PDGFC: variants seen among roughly 807,000 people sequenced by gnomAD.
PDGFC encodes the protein platelet-derived growth factor C.
A neutral mutation model predicts 35.5 loss-of-function variants in PDGFC; 12 were observed. The ratio of observed to expected loss-of-function variants is 0.34; its 90% CI spans 0.22 to 0.55. The LOEUF is 0.55. Among genes scored for constraint, PDGFC ranks in the 20% least tolerant of loss-of-function variants. The probability of loss-of-function intolerance (pLI) is 0.91; values close to 1 mark genes in which losing one functional copy is unlikely to be tolerated. For missense variants in PDGFC, 322 were observed against 412.4 expected (o/e 0.78, Z 1.90); for synonymous variants, 159 against 148.8 (o/e 1.07, Z -0.50).
At chr4:156,835,356 T>A (rs1256460841) in intron 2 of PDGFC, among the ~76,000 whole-genome samples, 1 of 152,214 alleles carries the variant, frequency 6.6e-6, no homozygotes, top group East Asian at 1.9e-4. Context: ...TCAGCCAAGC[T>A]GAAAATGAAT....
chr4:156,849,424 A>C (rs1319613843), intron 2 of PDGFC, among the ~76,000 whole-genome samples: 2 of 152,144 alleles, frequency 1.3e-5, no homozygotes, highest in Non-Finnish European at 2.9e-5. Flanking sequence ...ATTCTCTTTT[A>C]ACTTGTATAT....
At chr4:156,913,816 C>T (rs140798647) in intron 1 of PDGFC, among the ~76,000 whole-genome samples, 54 of 152,268 alleles carry the variant, frequency 3.5e-4, no homozygotes, top group African/African-American at 1.1e-3. Context: ...CCCCAGGCCC[C>T]GTTGGTGAGT....
At chr4:156,811,527 T>A (rs1388963163) in intron 2 of PDGFC, among the ~76,000 whole-genome samples, 1 of 152,096 alleles carries the variant, frequency 6.6e-6, no homozygotes, top group Non-Finnish European at 1.5e-5. Context: ...TCTTCCTTTC[T>A]GTGACCTTCC....
At chr4:156,941,837 G>T (rs80231255) in intron 1 of PDGFC, among the ~76,000 whole-genome samples, 1 of 151,944 alleles carries the variant, frequency 6.6e-6, no homozygotes, top group Non-Finnish European at 1.5e-5. Flanking sequence ...AAATAATAAG[G>T]TGATATGGTC....
chr4:156,921,372 G>C (rs989712869), intron 1 of PDGFC, among the ~76,000 whole-genome samples: 2 of 152,088 alleles, frequency 1.3e-5, no homozygotes, highest in African/African-American at 4.8e-5. Flanking sequence ...CAAAAATACT[G>C]AGAATGGTGC....
At chr4:156,792,293 T>C (rs1392417284) in intron 3 of PDGFC, among the ~76,000 whole-genome samples, 1 of 152,176 alleles carries the variant, frequency 6.6e-6, no homozygotes, top group Non-Finnish European at 1.5e-5. Context: ...AATCCAAATA[T>C]ATGAAGGAAA....
At chr4:156,936,041 C>T (rs6851803) in intron 1 of PDGFC, among the ~76,000 whole-genome samples, 5 of 152,024 alleles carry the variant, frequency 3.3e-5, no homozygotes, top group African/African-American at 1.2e-4. Context: ...TTTCCTCTTC[C>T]TGTTATGGTC....
intron 1 of PDGFC, chr4:156,886,506 C>A (rs1255230750): frequency 6.6e-6 from 1 of 152,172 alleles, no homozygotes; most frequent in Admixed American, 6.5e-5. Context: ...TATCACCAAC[C>A]AAACTATCGT....
chr4:156,800,547 C>A (rs1039952868), intron 3 of PDGFC, among the ~76,000 whole-genome samples: 1 of 152,060 alleles, frequency 6.6e-6, no homozygotes, highest in Non-Finnish European at 1.5e-5. Context: ...CTAAAATAGG[C>A]AAATTGTTGA....
chr4:156,835,955 T>C (rs890237067), intron 2 of PDGFC: 17 of 152,222 alleles, frequency 1.1e-4, no homozygotes, highest in African/African-American at 1.4e-4. Flanking sequence ...CAGAGTCTCC[T>C]GTGGGATTTT....
chr4:156,926,179 C>A (rs1040227516), intron 1 of PDGFC, among the ~76,000 whole-genome samples: 3 of 151,042 alleles, frequency 2.0e-5, no homozygotes, highest in Admixed American at 1.3e-4. Flanking sequence ...TTTGTTCATT[C>A]AATGAATGCT....
intron 2 of PDGFC, among the ~76,000 whole-genome samples, chr4:156,825,546 T>A: frequency 8.5e-6 from 1 of 117,962 alleles, no homozygotes; most frequent in Admixed American, 9.1e-5. Flanking sequence ...CAACACCCTG[T>A]CTCCAAATAA....
chr4:156,815,266 C>T (rs1732051269), intron 2 of PDGFC, among the ~76,000 whole-genome samples: 1 of 151,726 alleles, frequency 6.6e-6, no homozygotes, highest in South Asian at 2.1e-4. Flanking sequence ...TTTATCGTCA[C>T]ACACAATAAC....
chr4:156,858,888 T>C (rs1729644635), intron 1 of PDGFC, among the ~76,000 whole-genome samples: 1 of 152,098 alleles, frequency 6.6e-6, no homozygotes, highest in African/African-American at 2.4e-5. Flanking sequence ...GTGTTGGACA[T>C]ATAATTTACA....
intron 1 of PDGFC, among the ~76,000 whole-genome samples, chr4:156,910,498 A>G (rs1476219532): frequency 1.3e-5 from 2 of 152,146 alleles, no homozygotes; most frequent in African/African-American, 2.4e-5. Flanking sequence ...GCTGCTATGA[A>G]AATTCATACG....
rs1261614293 is a variant in PDGFC at position 156,763,180 on chromosome 4, A to G, written c.948T>C (p.Gly316=). ...HEVLQLRPKT[G]VRGLHKSLTD... is the part of the protein sequence containing the mutation. Reference sequence around the variant, plus strand: ...TGAGTGATTTGTGCAATCCCCTGACACCGGTCTTTGGTCTCAACTGAAGGA... The same window carrying G: ...TGAGTGATTTGTGCAATCCCCTGACGCCGGTCTTTGGTCTCAACTGAAGGA... Residue 316 remains glycine, a synonymous_variant, in exon 6 of 6, where the codon GGT becomes GGC. Coordinates refer to ENST00000502773, the MANE Select transcript of PDGFC (RefSeq NM_016205.3). 1.2e-6 allele frequency: 2 copies of G among 1,610,028 alleles called. No individual in the cohort carries two copies. The highest frequency in any genetic ancestry group is 1.7e-5 in the Admixed American group (1 of 60,006).
chr4:156,967,998 T>C (rs1312206073), intron 1 of PDGFC, among the ~76,000 whole-genome samples: 1 of 152,176 alleles, frequency 6.6e-6, no homozygotes. Flanking sequence ...TGCAATCCAA[T>C]GGTAGGTCAA....
At chr4:156,871,857 A>G (rs1294440785) in intron 1 of PDGFC, among the ~76,000 whole-genome samples, 4 of 151,996 alleles carry the variant, frequency 2.6e-5, no homozygotes, top group African/African-American at 9.7e-5. Context: ...GCACACAGAA[A>G]GATAAAAGTG....
At chr4:156,865,072 C>T (rs1293151868) in intron 1 of PDGFC, among the ~76,000 whole-genome samples, 5 of 152,040 alleles carry the variant, frequency 3.3e-5, no homozygotes, top group Non-Finnish European at 7.4e-5. Context: ...AAGCCATCTA[C>T]AAACCACTTT....
Sources: allele counts gnomAD v4.1 joint callset (sites outside exome capture counted in the v4.1 genomes callset), GRCh38; gene constraint gnomAD v4.1.1; transcripts MANE v1.5; gene names NCBI Gene and HGNC (gene_info 2026-07-23, HGNC 2026-07-21).